LHFPL3: variants seen among roughly 807,000 people sequenced by gnomAD.
The protein encoded by LHFPL3 is LHFPL tetraspan subfamily member 3.
Under a neutral mutation model 19.3 loss-of-function variants are expected in LHFPL3, and 5 were observed. The observed-to-expected ratio is 0.26, with a 90% CI of 0.14 to 0.54. The LOEUF is 0.54. LHFPL3 is among the 20% of genes least tolerant of loss of function. The pLI is 0.94. For missense variants in LHFPL3, 249 were observed against 307.4 expected, an observed-to-expected ratio of 0.81 and a Z score of 1.42; for synonymous variants, 133 against 126.2, an observed-to-expected ratio of 1.05 and a Z score of -0.36.
intron 2 of LHFPL3, among the ~76,000 whole-genome samples, chr7:104,892,708 C>CAAAAAAAAAAAAAAAAAAAAAAAAAAAA (rs35855839): frequency 2.9e-5 from 2 of 68,476 alleles, no homozygotes; most frequent in Admixed American, 1.7e-4. Flanking sequence ...GAGACTGTCT[C>CAAAAAAAAAAAAAAAAAAAAAAAAAAAA]AAAAAAAAAA....
At chr7:104,521,627 G>A (rs996908575) in intron 1 of LHFPL3, among the ~76,000 whole-genome samples, 9 of 152,050 alleles carry the variant, frequency 5.9e-5, no homozygotes, top group East Asian at 5.8e-4. Flanking sequence ...GAAAATTTTT[G>A]CAACCTACTC....
intron 1 of LHFPL3, among the ~76,000 whole-genome samples, chr7:104,682,301 C>T (rs1215593323): frequency 6.6e-6 from 1 of 152,192 alleles, no homozygotes; most frequent in East Asian, 1.9e-4. Flanking sequence ...AGCCCTTGTT[C>T]CTCAAGGTGT....
chr7:104,455,991 A>G (rs1187591297), intron 1 of LHFPL3, among the ~76,000 whole-genome samples: 2 of 152,208 alleles, frequency 1.3e-5, no homozygotes, highest in African/African-American at 4.8e-5. Flanking sequence ...AGTTCAGCAT[A>G]GAGCACCTGA....
rs1562950473 is a variant in LHFPL3, at chr7:104,614,684, T to TTCCTTCCTTCC, written c.446-121990_446-121989insCCTTCCTTCCT. Among the ~76,000 whole-genome samples, 213 of 41,854 alleles carry TTCCTTCCTTCC rather than the reference T, an allele frequency of 5.1e-3. 5 individuals are homozygous for TTCCTTCCTTCC. Among genetic ancestry groups the TTCCTTCCTTCC allele is most frequent in the South Asian group, 8.0e-3 (6 of 750 alleles). 27.5% of individuals were successfully genotyped at this position (41,854 alleles called of 152,430 possible). Reference sequence around the variant, plus strand: ...CCTTCCTTCCTTCCTTCCTTCCTTCTTTCTTTCTTTCTTTCTTTCTTTCTT... The same window carrying TTCCTTCCTTCC: ...CCTTCCTTCCTTCCTTCCTTCCTTCTTCCTTCCTTCCTTCTTTCTTTCTTTCTTTCTTTCTT... On this transcript the variant is annotated intron_variant, in intron 1 of 2. Coordinates refer to ENST00000424859, the MANE Select transcript of LHFPL3 (RefSeq NM_199000.3).
intron 1 of LHFPL3, among the ~76,000 whole-genome samples, chr7:104,340,118 G>A (rs77771746): frequency 0.03 from 4,588 of 152,202 alleles, 96 homozygotes; most frequent in Middle Eastern, 0.068. Flanking sequence ...ATGACTTTGG[G>A]TAAGTCATCT....
intron 1 of LHFPL3, among the ~76,000 whole-genome samples, chr7:104,388,018 C>T (rs1790984088): frequency 6.6e-6 from 1 of 152,130 alleles, no homozygotes; most frequent in Non-Finnish European, 1.5e-5. Flanking sequence ...GTTTAGCTCC[C>T]ACTTATAAGT....
At chr7:104,685,989 T>A (rs1792797696) in intron 1 of LHFPL3, among the ~76,000 whole-genome samples, 1 of 152,208 alleles carries the variant, frequency 6.6e-6, no homozygotes, top group African/African-American at 2.4e-5. Flanking sequence ...GTAGCAATGA[T>A]GTTGCAGAGA....
At chr7:104,886,144 A>C (rs1391231093) in intron 2 of LHFPL3, among the ~76,000 whole-genome samples, 1 of 152,236 alleles carries the variant, frequency 6.6e-6, no homozygotes, top group African/African-American at 2.4e-5. Context: ...TGTAAGGTTT[A>C]TGAAAGCTAG....
chr7:104,543,658 G>T (rs1201098328), intron 1 of LHFPL3, among the ~76,000 whole-genome samples: 2 of 148,636 alleles, frequency 1.3e-5, no homozygotes, highest in Non-Finnish European at 3.0e-5. Flanking sequence ...GCAAACTATC[G>T]CAAGGACAAA....
At chr7:104,521,083 T>C (rs182390742) in intron 1 of LHFPL3, among the ~76,000 whole-genome samples, 252 of 152,306 alleles carry the variant, frequency 1.7e-3, no homozygotes, top group Non-Finnish European at 3.0e-3. Flanking sequence ...TTGTGGGCAT[T>C]TAGTACTACA....
intron 2 of LHFPL3, among the ~76,000 whole-genome samples, chr7:104,847,640 AACTGGG>A (rs1791336529): frequency 6.6e-6 from 1 of 152,186 alleles, no homozygotes; most frequent in African/African-American, 2.4e-5. Flanking sequence ...CCTCCTGAGT[AACTGGG>A]ACTACAGCTA....
intron 1 of LHFPL3, among the ~76,000 whole-genome samples, chr7:104,454,188 C>A (rs2116607001): frequency 6.6e-6 from 1 of 152,240 alleles, no homozygotes; most frequent in African/African-American, 2.4e-5. Flanking sequence ...CTTTTTCATA[C>A]TGAAGGACTT....
chr7:104,750,814 C>T (rs1277061785), intron 2 of LHFPL3, among the ~76,000 whole-genome samples: 1 of 152,084 alleles, frequency 6.6e-6, no homozygotes, highest in Non-Finnish European at 1.5e-5. Flanking sequence ...GGGAATGCCC[C>T]AGTTTGTTGT....
intron 1 of LHFPL3, among the ~76,000 whole-genome samples, chr7:104,704,942 C>G (rs890950688): frequency 3.3e-5 from 5 of 152,178 alleles, no homozygotes; most frequent in African/African-American, 1.2e-4. Context: ...AGCTCACTAG[C>G]CAGAATTCTT....
intron 1 of LHFPL3, among the ~76,000 whole-genome samples, chr7:104,491,470 T>TG (rs551651267): frequency 6.9e-6 from 1 of 145,910 alleles, no homozygotes; most frequent in Non-Finnish European, 1.5e-5. Context: ...TTTTTCCATG[T>TG]AAAAAAAAAA....
intron 2 of LHFPL3, among the ~76,000 whole-genome samples, chr7:104,782,729 C>A (rs904557994): frequency 1.3e-5 from 2 of 152,222 alleles, no homozygotes; most frequent in African/African-American, 4.8e-5. Flanking sequence ...CTTAGCATAG[C>A]CAACTAGGTC....
intron 2 of LHFPL3, among the ~76,000 whole-genome samples, chr7:104,742,602 C>A (rs956857958): frequency 6.6e-6 from 1 of 152,176 alleles, no homozygotes; most frequent in Non-Finnish European, 1.5e-5. Flanking sequence ...GTCTCTGACA[C>A]CAGCTGAGGA....
intron 1 of LHFPL3, among the ~76,000 whole-genome samples, chr7:104,503,631 A>G (rs1036333583): frequency 2.0e-5 from 3 of 152,066 alleles, no homozygotes; most frequent in Admixed American, 6.6e-5. Context: ...GTGCAGTGGC[A>G]TGATCTTGGC....
At chr7:104,331,913 G>A (rs1235326731) in intron 1 of LHFPL3, among the ~76,000 whole-genome samples, 1 of 151,396 alleles carries the variant, frequency 6.6e-6, no homozygotes, top group African/African-American at 2.4e-5. Flanking sequence ...TTGCACCAGT[G>A]CACTCTAGTC....
Sources: allele counts gnomAD v4.1 joint callset (sites outside exome capture counted in the v4.1 genomes callset), GRCh38; gene constraint gnomAD v4.1.1; transcripts MANE v1.5; gene names NCBI Gene and HGNC (gene_info 2026-07-23, HGNC 2026-07-21).